GTF2H2: variants seen among roughly 807,000 people sequenced by gnomAD.
GTF2H2 encodes the protein general transcription factor IIH subunit 2.
Under a neutral mutation model 16.5 loss-of-function variants are expected in GTF2H2, and 2 were observed. The observed-to-expected ratio is 0.12, with a 90% confidence interval of 0.05 to 0.38. The LOEUF (loss-of-function observed/expected upper bound fraction) is 0.38. GTF2H2 is among the 10% of genes least tolerant of loss of function. The pLI is 0.99. For missense variants in GTF2H2, 20 were observed against 137.0 expected (o/e 0.15, Z 4.26); for synonymous variants, 8 against 44.1 (o/e 0.18, Z 3.24).
intron 15 of GTF2H2, among the ~76,000 whole-genome samples, chr5:71,036,302 A>T (rs1192282184): frequency 1.1e-5 from 1 of 88,640 alleles, no homozygotes; most frequent in South Asian, 5.2e-4. Flanking sequence ...TTCTTTCAGC[A>T]TTACATATAC....
chr5:71,039,517 T>G (rs1751943226), intron 14 of GTF2H2, among the ~76,000 whole-genome samples: 2 of 137,954 alleles, frequency 1.4e-5, no homozygotes, highest in South Asian at 4.7e-4. Flanking sequence ...ATATAAAATT[T>G]CTTTGAACTA....
intron 3 of GTF2H2, 50 bp from the exon 4 acceptor site, chr5:71,061,358 C>G (rs534078823): frequency 1.4e-6 from 2 of 1,410,994 alleles, no homozygotes; most frequent in East Asian, 2.3e-5. Flanking sequence ...ACTATCCCCC[C>G]CCACAAAAAA....
chr5:71,058,120 GA>G (rs1274674048), intron 7 of GTF2H2: 1 of 138,352 alleles, frequency 7.2e-6, no homozygotes, highest in Admixed American at 7.4e-5. Flanking sequence ...GGAGGCAGGA[GA>G]ATCACTTGAA....
At position 71,045,923 on chromosome 5, in the gene GTF2H2, A is replaced by G. The variant is rs1242843488; in HGVS notation, c.758-416T>C. Among the ~76,000 whole-genome samples, 2 of 142,528 alleles carry G rather than the reference A, an allele frequency of 1.4e-5. 1 individual carries two copies. Among genetic ancestry groups the G allele is most frequent in the Non-Finnish European group, 3.0e-5 (2 of 66,458 alleles). 93.5% of individuals were successfully genotyped at this position (142,528 alleles called of 152,430 possible). ...CATCCGCCACCATGCCCAGCTATAT[A>G]TTTTCTAACTTAATGATTAACACTA... is the stretch of plus-strand genomic sequence containing the variant. On this transcript the variant is annotated intron_variant, in intron 11 of 15. Coordinates refer to ENST00000274400, the Ensembl canonical transcript of GTF2H2.
chr5:71,059,445 A>AT (rs1753524265), intron 7 of GTF2H2: 1 of 57,542 alleles, frequency 1.7e-5, no homozygotes, highest in Non-Finnish European at 3.5e-5. Context: ...GCACATATAG[A>AT]TTTTAAATAA....
chr5:71,054,350 T>C lies in GTF2H2; in HGVS notation c.470+1002A>G, dbSNP rs1753011468. ...ACTGTACTTACCTCTATTACATGTG[T>C]TGCCTCCTTCTCATCCACTTCAAAA... On this transcript the variant is annotated intron_variant, in intron 8 of 15. Transcript: ENST00000274400. Among the ~76,000 whole-genome samples the C allele has an allele frequency of 2.7e-5, 4 of 146,042 alleles. 1 individual carries two copies. Among genetic ancestry groups the C allele is most frequent in the African/African-American group, 1.0e-4 (4 of 38,126 alleles).
In GTF2H2 at chr5:71,057,352, T is replaced by C. The variant is rs1753327110; in HGVS notation, c.365-1895A>G. On this transcript the variant is annotated intron_variant, in intron 7 of 15. Coordinates refer to ENST00000274400, the Ensembl canonical transcript of GTF2H2. The stretch of plus-strand genomic sequence containing the variant: ...GAAACTTAATTTTGCTCATTTAAAA[T>C]ATATTAAAAAATAAAATGTTATGTA... Among the ~76,000 whole-genome samples the C allele has an allele frequency of 2.8e-5, 4 of 140,366 alleles. 2 individuals carry two copies. The highest frequency in any genetic ancestry group is 1.1e-4 in the African/African-American group (4 of 37,062). The allele number at this position is 140,366 out of a possible 152,430, so 92.1% of individuals were successfully genotyped here. A position where few individuals can be genotyped will look rare whatever the true frequency, so the allele number is the denominator to read the frequency against.
intron 8 of GTF2H2, among the ~76,000 whole-genome samples, chr5:71,052,921 T>G (rs1361790179): frequency 0.33 from 21,198 of 63,978 alleles, 3,465 homozygotes; most frequent in East Asian, 0.47. Flanking sequence ...GCTAATTTTT[T>G]TTTTTTTTTT....
intron 7 of GTF2H2, among the ~76,000 whole-genome samples, chr5:71,057,502 T>G (rs1473182749): frequency 7.4e-6 from 1 of 134,384 alleles, no homozygotes. Flanking sequence ...CTCATCTGAG[T>G]AAGTTTTAAA....
chr5:71,054,835 A>ATTATATATATAATATGTATATAAAGC (rs1753076123), intron 8 of GTF2H2, among the ~76,000 whole-genome samples: 1 of 135,994 alleles, frequency 7.4e-6, no homozygotes, highest in African/African-American at 2.8e-5. Context: ...TGTATAATAA[A>ATTATATATATAATATGTATATAAAGC]TTATATATAT....
At chr5:71,055,189 T>C in intron 8 of GTF2H2, 163 bp downstream of exon 8, 1 of 603,610 alleles carries the variant, frequency 1.7e-6, no homozygotes, top group Non-Finnish European at 2.6e-6. Flanking sequence ...AAAATAAAGA[T>C]TACTAACCAA....
intron 8 of GTF2H2, among the ~76,000 whole-genome samples, chr5:71,054,111 C>A (rs1256961168): frequency 1.4e-5 from 2 of 142,356 alleles, no homozygotes; most frequent in Non-Finnish European, 3.1e-5. Context: ...AATTTAACCT[C>A]ACAGTAATTC....
At chr5:71,053,373 G>A (rs1430885353) in intron 8 of GTF2H2, among the ~76,000 whole-genome samples, 7 of 141,594 alleles carry the variant, frequency 4.9e-5, no homozygotes, top group Admixed American at 2.2e-4. Flanking sequence ...CAGAACACAC[G>A]TAACACTTAT....
intron 8 of GTF2H2, 61 bp downstream of exon 8, chr5:71,055,291 A>G (rs760564876): frequency 7.4e-6 from 11 of 1,476,654 alleles, no homozygotes; most frequent in Non-Finnish European, 1.0e-5. Flanking sequence ...TTAACACATC[A>G]CTTCAGCTTA....
intron 8 of GTF2H2, among the ~76,000 whole-genome samples, chr5:71,054,737 GTGTGTGTGTGTGTGTATA>G (rs1753057244): frequency 7.4e-6 from 1 of 135,658 alleles, no homozygotes; most frequent in Non-Finnish European, 1.6e-5. Flanking sequence ...GTGTGTGTGT[GTGTGTGTGTGTGTGTATA>G]TATATAATAG....
chr5:71,051,062 G>A (rs1461983071), intron 8 of GTF2H2, among the ~76,000 whole-genome samples: 1 of 143,580 alleles, frequency 7.0e-6, no homozygotes, highest in East Asian at 2.0e-4. Flanking sequence ...GGCCAGACTA[G>A]TCTTGAACTC....
rs1409280627 is a variant in GTF2H2 at position 71,058,392 on chromosome 5, C to T, written c.364+1298G>A. The T allele has an allele frequency of 5.1e-4, 67 of 130,308 alleles. 7 individuals are homozygous for T. Among genetic ancestry groups the T allele is most frequent in the African/African-American group, 1.7e-3 (57 of 33,760 alleles). The allele number at this position is 130,308 out of a possible 1,614,324, so 8.1% of individuals were successfully genotyped here. A position where few individuals can be genotyped will look rare whatever the true frequency, so the allele number is the denominator to read the frequency against. ...TCTGGGCATCAGCAGGCAATCGAAG[C>T]GTACAAACAAAATACTTCATTTCCT... On this transcript the variant is annotated intron_variant, in intron 7 of 15. Coordinates refer to ENST00000274400, the Ensembl canonical transcript of GTF2H2.
chr5:71,042,294 GA>G lies in GTF2H2; in HGVS notation c.822-11del. ...ATTGCCATCCAAATGCCTGTAGGGGGAAAAAGGGTAATATATAATGATCTGA... is the reference window on the plus strand; with the variant it reads ...ATTGCCATCCAAATGCCTGTAGGGGGAAAAGGGTAATATATAATGATCTGA... On this transcript the variant is annotated splice_polypyrimidine_tract_variant and intron_variant, in intron 12 of 15. Coordinates refer to ENST00000274400, the Ensembl canonical transcript of GTF2H2. 17 of 461,394 alleles carry G rather than the reference GA, an allele frequency of 3.7e-5. No homozygotes were observed. Among genetic ancestry groups the G allele is most frequent in the African/African-American group, 6.7e-5 (2 of 30,026 alleles). The allele number at this position is 461,394 out of a possible 1,614,324, so 28.6% of individuals were successfully genotyped here.
intron 8 of GTF2H2, among the ~76,000 whole-genome samples, chr5:71,052,205 T>C (rs1392564076): frequency 7.1e-6 from 1 of 141,512 alleles, no homozygotes; most frequent in East Asian, 2.0e-4. Context: ...TCTCACAGTG[T>C]TGTCTGGGCT....
Sources: allele counts gnomAD v4.1 joint callset (sites outside exome capture counted in the v4.1 genomes callset), GRCh38; gene constraint gnomAD v4.1.1; transcripts MANE v1.5; gene names NCBI Gene and HGNC (gene_info 2026-07-23, HGNC 2026-07-21).